The following C8orf34 variants were observed in gnomAD, a reference collection of about 807,000 sequenced individuals.
C8orf34 encodes the protein uncharacterized protein C8orf34.
A neutral mutation model predicts 68.3 loss-of-function variants in C8orf34; 65 were observed. That is an observed-to-expected ratio of 0.95 (90% CI 0.78 to 1.17). C8orf34 has a LOEUF of 1.17. Ranked by LOEUF, C8orf34 falls within the 50% of genes most tolerant of loss-of-function variation. C8orf34 has a pLI of 0.00. For missense variants in C8orf34, 664 were observed against 655.4 expected (o/e 1.01, Z -0.14); for synonymous variants, 244 against 241.2 (o/e 1.01, Z -0.11).
intron 5 of C8orf34, among the ~76,000 whole-genome samples, chr8:68,502,333 T>C (rs1813814964): frequency 6.6e-6 from 1 of 152,166 alleles, no homozygotes; most frequent in Admixed American, 6.5e-5. Context: ...GCAAGGAATA[T>C]ACAAAAAGTG....
intron 10 of C8orf34, among the ~76,000 whole-genome samples, chr8:68,750,300 G>T (rs535736590): frequency 3.9e-5 from 6 of 152,270 alleles, no homozygotes; most frequent in Non-Finnish European, 8.8e-5. Context: ...ATTGCATGCT[G>T]CAACATGGAA....
At chr8:68,552,006 G>C (rs962497816) in intron 7 of C8orf34, among the ~76,000 whole-genome samples, 1 of 152,002 alleles carries the variant, frequency 6.6e-6, no homozygotes, top group Non-Finnish European at 1.5e-5. Flanking sequence ...CATTGAATTT[G>C]CTTGGTATTC....
chr8:68,790,726 G>T, intron 12 of C8orf34: 1 of 537,142 alleles, frequency 1.9e-6, no homozygotes, highest in South Asian at 2.9e-5. Context: ...CTCAGATTAT[G>T]GTCTGAAGTC....
At chr8:68,779,247 T>G (rs1308559614) in intron 11 of C8orf34, among the ~76,000 whole-genome samples, 1 of 150,264 alleles carries the variant, frequency 6.7e-6, no homozygotes, top group Non-Finnish European at 1.5e-5. Context: ...GACGAATAAC[T>G]GGGAAGCAGC....
At chr8:68,710,610 C>T (rs1197349265) in intron 9 of C8orf34, among the ~76,000 whole-genome samples, 1 of 152,162 alleles carries the variant, frequency 6.6e-6, no homozygotes, top group Non-Finnish European at 1.5e-5. Flanking sequence ...CCATCCACCA[C>T]AGCAGAAACA....
intron 1 of C8orf34, among the ~76,000 whole-genome samples, chr8:68,426,648 A>AT (rs1193579794): frequency 6.6e-6 from 1 of 151,978 alleles, no homozygotes; most frequent in Non-Finnish European, 1.5e-5. Flanking sequence ...CTCAAAACAT[A>AT]TTAAAAAAAA....
intron 5 of C8orf34, among the ~76,000 whole-genome samples, chr8:68,514,654 A>G (rs1233810263): frequency 6.6e-6 from 1 of 152,248 alleles, no homozygotes; most frequent in South Asian, 2.1e-4. Flanking sequence ...GAGGAGAAAT[A>G]GCAGTGCAAA....
chr8:68,733,163 A>G (rs1357367165), intron 10 of C8orf34, among the ~76,000 whole-genome samples: 2 of 152,234 alleles, frequency 1.3e-5, no homozygotes, highest in African/African-American at 2.4e-5. Flanking sequence ...ATTACTATGT[A>G]TAATATTGTC....
At chr8:68,760,313 T>C (rs1822986694) in intron 10 of C8orf34, among the ~76,000 whole-genome samples, 1 of 152,160 alleles carries the variant, frequency 6.6e-6, no homozygotes, top group African/African-American at 2.4e-5. Flanking sequence ...ATTCTTTCAA[T>C]CGAAAGCATT....
chr8:68,475,368 G>C (rs1033355505), intron 4 of C8orf34, among the ~76,000 whole-genome samples: 2 of 152,130 alleles, frequency 1.3e-5, no homozygotes, highest in East Asian at 1.9e-4. Flanking sequence ...AGTTTCCTGA[G>C]GGCAGAGCCA....
chr8:68,576,417 C>T (rs1321475500), intron 7 of C8orf34, among the ~76,000 whole-genome samples: 1 of 151,610 alleles, frequency 6.6e-6, no homozygotes, highest in African/African-American at 2.4e-5. Flanking sequence ...GTTATCAAAA[C>T]CTAGAGTCTG....
intron 12 of C8orf34, among the ~76,000 whole-genome samples, chr8:68,790,566 G>T (rs772898745): frequency 6.6e-6 from 1 of 152,148 alleles, no homozygotes; most frequent in Non-Finnish European, 1.5e-5. Context: ...AAAAGATATT[G>T]TGAACAATTA....
chr8:68,417,729 A>G (rs1271025579), intron 1 of C8orf34, among the ~76,000 whole-genome samples: 1 of 152,150 alleles, frequency 6.6e-6, no homozygotes, highest in Non-Finnish European at 1.5e-5. Flanking sequence ...AGGTAGTGTG[A>G]TGCCTCCAGC....
chr8:68,361,061 T>C (rs1163565843), intron 1 of C8orf34, among the ~76,000 whole-genome samples: 3 of 152,094 alleles, frequency 2.0e-5, no homozygotes, highest in Admixed American at 2.0e-4. Context: ...GGCCTCCCCT[T>C]TTTTCTATAA....
intron 1 of C8orf34, among the ~76,000 whole-genome samples, chr8:68,405,899 CTGG>C (rs1173542718): frequency 1.3e-5 from 2 of 152,022 alleles, no homozygotes; most frequent in African/African-American, 4.8e-5. Context: ...CTGAATTTTT[CTGG>C]TGTTTTAGGC....
chr8:68,805,994 CTT>C (rs1824469566), intron 12 of C8orf34, among the ~76,000 whole-genome samples: 1 of 151,788 alleles, frequency 6.6e-6, no homozygotes, highest in East Asian at 1.9e-4. Context: ...GTTATATACT[CTT>C]TTAAGATTCT....
chr8:68,518,372 G>T (rs1472207808), intron 5 of C8orf34, among the ~76,000 whole-genome samples: 1 of 151,926 alleles, frequency 6.6e-6, no homozygotes, highest in African/African-American at 2.4e-5. Flanking sequence ...ATCTTATTTT[G>T]TACTTTACAT....
chr8:68,773,639 G>A (rs948924658), intron 10 of C8orf34, among the ~76,000 whole-genome samples: 7 of 151,946 alleles, frequency 4.6e-5, no homozygotes, highest in Non-Finnish European at 1.0e-4. Flanking sequence ...ACCTGCCTCG[G>A]CATCCCAAAG....
chr8:68,464,461 T>C (rs1305945635), intron 3 of C8orf34, among the ~76,000 whole-genome samples: 1 of 151,582 alleles, frequency 6.6e-6, no homozygotes, highest in East Asian at 1.9e-4. Context: ...TTAAAGTTCA[T>C]ATGGAACCAA....
Sources: gnomAD v4.1 joint callset for allele counts (sites outside exome capture counted in the v4.1 genomes callset) on GRCh38, gnomAD v4.1.1 for gene constraint, MANE v1.5 for transcripts, NCBI Gene and HGNC (gene_info 2026-07-23, HGNC 2026-07-21) for gene names.